The following DAB2IP variants were observed in gnomAD, a reference collection of about 807,000 sequenced individuals.
DAB2IP encodes DAB2 interacting protein.
DAB2IP carries 28 observed loss-of-function variants against 107.2 expected under a neutral mutation model. That is an observed-to-expected ratio of 0.26 (90% CI 0.19 to 0.36). The LOEUF is 0.36. Ranked by LOEUF, DAB2IP falls within the 10% of genes least tolerant of loss-of-function variation. The pLI is 1.00. For missense variants in DAB2IP, 1,400 were observed against 1,644.7 expected (o/e 0.85, Z 2.57); for synonymous variants, 755 against 706.4 (o/e 1.07, Z -1.09).
chr9:121,652,050 TC>T, intron 1 of DAB2IP, 151 bp downstream of exon 1: 3 of 434,254 alleles, frequency 6.9e-6, no homozygotes, highest in Non-Finnish European at 6.1e-6. Flanking sequence ...GACCCCCCAT[TC>T]CCCCAGCTTC....
intron 3 of DAB2IP, among the ~76,000 whole-genome samples, chr9:121,735,574 C>T (rs1831840097): frequency 6.6e-6 from 1 of 152,164 alleles, no homozygotes; most frequent in African/African-American, 2.4e-5. Context: ...GGTGGGACTC[C>T]AGGGTGTGGC....
At chr9:121,686,186 C>T (rs199795114) in intron 2 of DAB2IP, among the ~76,000 whole-genome samples, 1 of 152,104 alleles carries the variant, frequency 6.6e-6, no homozygotes, top group Non-Finnish European at 1.5e-5. Flanking sequence ...CCTGTTCCAA[C>T]CCCCCCAACA....
intron 3 of DAB2IP, among the ~76,000 whole-genome samples, chr9:121,743,431 TG>T (rs1202914667): frequency 2.6e-5 from 4 of 152,258 alleles, no homozygotes; most frequent in Non-Finnish European, 5.9e-5. Context: ...TTTCGTTTTT[TG>T]TTTTTTTTTT....
At position 121,644,345 on chromosome 9, in the gene DAB2IP, C is replaced by G. The variant is rs535891864; in HGVS notation, c.41-34333C>G. 2.0e-5 allele frequency among the ~76,000 whole-genome samples: 3 copies of G among 152,212 alleles called. No homozygotes were observed. The South Asian group carries it at 6.2e-4, about 32-fold the overall frequency. On this transcript the variant is annotated intron_variant, in intron 1 of 16. Coordinates refer to the DAB2IP transcript ENST00000259371. ...GGCGCAGTGGCTCATGCCTGTAATC[C>G]CAGCACTTGGGGAGGCTGAGGCAGG...
intron 1 of DAB2IP, among the ~76,000 whole-genome samples, chr9:121,607,087 A>G (rs780948435): frequency 2.0e-5 from 3 of 151,946 alleles, no homozygotes; most frequent in African/African-American, 7.2e-5. Context: ...CAGTGTTCTT[A>G]TGAACGTAGA....
chr9:121,641,921 CTT>C (rs1434930076), intron 1 of DAB2IP, among the ~76,000 whole-genome samples: 2 of 136,258 alleles, frequency 1.5e-5, no homozygotes, highest in African/African-American at 5.7e-5. Context: ...TTCTTTCTTT[CTT>C]TCTTTCTTTC....
chr9:121,644,158 G>A (rs970644038), intron 1 of DAB2IP, among the ~76,000 whole-genome samples: 1 of 149,664 alleles, frequency 6.7e-6, no homozygotes, highest in Non-Finnish European at 1.5e-5. Flanking sequence ...GCAACAGAGC[G>A]AGACCTTGTC....
chr9:121,693,781 G>A (rs1253611483), intron 2 of DAB2IP, among the ~76,000 whole-genome samples: 1 of 152,252 alleles, frequency 6.6e-6, no homozygotes, highest in East Asian at 1.9e-4. Context: ...AAGAATGCAA[G>A]GACAAATAGA....
At chr9:121,761,117 C>A (rs920132638) in intron 6 of DAB2IP, among the ~76,000 whole-genome samples, 1 of 152,220 alleles carries the variant, frequency 6.6e-6, no homozygotes, top group African/African-American at 2.4e-5. Flanking sequence ...CAGCAGCCCA[C>A]CATGCAAGCC....
intron 1 of DAB2IP, among the ~76,000 whole-genome samples, chr9:121,619,533 A>G (rs1185775013): frequency 6.6e-6 from 1 of 152,214 alleles, no homozygotes; most frequent in Non-Finnish European, 1.5e-5. Context: ...AGTGCCTACC[A>G]TGTATCAGGC....
At chr9:121,672,308 C>T (rs1028184740) in intron 1 of DAB2IP, among the ~76,000 whole-genome samples, 6 of 152,172 alleles carry the variant, frequency 3.9e-5, no homozygotes, top group African/African-American at 1.4e-4. Flanking sequence ...TAAGAGGTTG[C>T]TGCCTCTACC....
intron 1 of DAB2IP, among the ~76,000 whole-genome samples, chr9:121,628,907 T>C (rs950475778): frequency 1.2e-4 from 19 of 152,212 alleles, no homozygotes; most frequent in African/African-American, 3.9e-4. Flanking sequence ...AATGTGATGA[T>C]AACAGTTCCT....
intron 1 of DAB2IP, among the ~76,000 whole-genome samples, chr9:121,594,221 G>A (rs1261852392): frequency 6.6e-6 from 1 of 151,396 alleles, no homozygotes. Context: ...GGTCAGCTTG[G>A]ATATGAATGC....
intron 3 of DAB2IP, among the ~76,000 whole-genome samples, chr9:121,713,561 C>G (rs943819904): frequency 6.6e-6 from 1 of 152,136 alleles, no homozygotes; most frequent in African/African-American, 2.4e-5. Flanking sequence ...ACTGGGTATG[C>G]ACTCAACTTT....
chr9:121,774,360 C>T (rs745997669), exon 13 of DAB2IP: 20 of 1,612,730 alleles, frequency 1.2e-5, no homozygotes, highest in South Asian at 8.8e-5. Context: ...GGCCCAGACC[C>T]CCCCCACAGG....
intron 1 of DAB2IP, among the ~76,000 whole-genome samples, chr9:121,636,570 T>A (rs572620895): frequency 3.9e-5 from 6 of 152,238 alleles, no homozygotes; most frequent in African/African-American, 1.4e-4. Context: ...ATCTGTGCTC[T>A]CGGGAGCAGG....
intron 3 of DAB2IP, among the ~76,000 whole-genome samples, chr9:121,739,127 G>A (rs906158243): frequency 3.9e-5 from 6 of 152,236 alleles, no homozygotes; most frequent in African/African-American, 1.2e-4. Context: ...GTTCCACTAG[G>A]GAGTAATGGG....
In DAB2IP at chr9:121,760,009, G is replaced by T; in HGVS notation, c.740G>T (p.Gly247Val). The change falls in exon 6 of 16, where the codon GGC becomes GTC. Residue 247 changes from glycine (G) to valine (V), a missense_variant. Gly to Val is a moderately radical substitution (Grantham distance 109, BLOSUM62 -3). Around this residue, in one of 3 missense-constraint regions of DAB2IP, gnomAD observed 517 missense variants for 748.6 expected, o/e 0.69. Coordinates refer to ENST00000408936, the Ensembl canonical transcript of DAB2IP. This position sits in a 1 kb window ranked among gnomAD's most constrained non-coding sequence, Gnocchi z 5.9. ...GATGTGCTCTATGCCCGCACCACGG[G>T]CAAGCTCAAGACGGACAATGTTTTC... 1 of 1,614,220 alleles carries T rather than the reference G, an allele frequency of 6.2e-7. No individual in the cohort carries two copies. The highest frequency in any genetic ancestry group is 8.5e-7 in the Non-Finnish European group (1 of 1,180,046).
chr9:121,578,667 C>T lies in DAB2IP; in HGVS notation c.40+11439C>T, dbSNP rs183848981. ...GCTGGCCCTTTCTCCGGCCCTGCAA[C>T]GGGCCCAAGTCTCTCCCATCCCATC... On this transcript the variant is annotated intron_variant, in intron 1 of 16. Coordinates refer to the DAB2IP transcript ENST00000259371. Among the ~76,000 whole-genome samples, 428 of 149,732 alleles carry T rather than the reference C, an allele frequency of 2.9e-3. 2 individuals carry two copies. Among genetic ancestry groups the T allele is most frequent in the African/African-American group, 7.3e-3 (297 of 40,634 alleles).
Sources: allele counts gnomAD v4.1 joint callset (sites outside exome capture counted in the v4.1 genomes callset), GRCh38; gene constraint gnomAD v4.1.1; regional missense constraint gnomAD v4.1.1; non-coding constraint Gnocchi (gnomAD v3.1); transcripts MANE v1.5; gene names NCBI Gene and HGNC (gene_info 2026-07-23, HGNC 2026-07-21).